Variants in TACC2 observed in about 807,000 individuals in gnomAD.
TACC2 encodes the protein transforming acidic coiled-coil containing protein 2, also known as transforming acidic coiled-coil-containing protein 2.
In TACC2, 137 loss-of-function variants were observed where a neutral mutation model predicts 227.3. That is an observed-to-expected ratio of 0.60 (90% CI 0.52 to 0.69). The LOEUF (loss-of-function observed/expected upper bound fraction) is 0.69. Ranked by LOEUF, TACC2 falls within the 30% of genes least tolerant of loss-of-function variation. The probability of loss-of-function intolerance (pLI) is 0.00; values close to 1 mark genes in which losing one functional copy is unlikely to be tolerated. For missense variants in TACC2, 3,470 were observed against 3,694.4 expected (o/e 0.94, Z 1.57); for synonymous variants, 1,523 against 1,487.5 (o/e 1.02, Z -0.55).
chr10:122,217,814 T>G (rs143326417), intron 11 of TACC2, among the ~76,000 whole-genome samples: 3 of 152,272 alleles, frequency 2.0e-5, no homozygotes, highest in African/African-American at 7.2e-5. Flanking sequence ...CCCTGACCTG[T>G]TGGTGCACCA....
At position 122,152,999 on chromosome 10, in the gene TACC2, C is replaced by CTT. The variant is rs150943859; in HGVS notation, c.5834+9302_5834+9303dup. Among the ~76,000 whole-genome samples, 3 of 135,036 alleles carry CTT rather than the reference C, an allele frequency of 2.2e-5. No homozygotes were observed. The South Asian group carries it at 7.1e-4, about 32-fold the overall frequency. 88.6% of individuals were successfully genotyped at this position (135,036 alleles called of 152,430 possible). A position where few individuals can be genotyped will look rare whatever the true frequency, so the allele number is the denominator to read the frequency against. On this transcript the variant is annotated intron_variant, in intron 7 of 22. Coordinates refer to ENST00000369005, the MANE Select transcript of TACC2 (RefSeq NM_206862.4). ...GCTTTTGATATATATTTCTTTCTTT[C>CTT]TTTTTTTTTTGAGACGGAGTCTCAC...
At chr10:121,997,539 G>A (rs1056271513) in intron 1 of TACC2, among the ~76,000 whole-genome samples, 2 of 152,184 alleles carry the variant, frequency 1.3e-5, no homozygotes, top group Non-Finnish European at 2.9e-5. Context: ...GATGTGGTGG[G>A]CCAGGACCAC....
intron 5 of TACC2, among the ~76,000 whole-genome samples, chr10:122,123,442 T>C (rs531201687): frequency 6.6e-6 from 1 of 152,262 alleles, no homozygotes; most frequent in South Asian, 2.1e-4. Context: ...AAGCACAATG[T>C]GCTTACCCCG....
chr10:122,243,659 T>G (rs2096054912), intron 19 of TACC2, among the ~76,000 whole-genome samples: 1 of 151,796 alleles, frequency 6.6e-6, no homozygotes, highest in Non-Finnish European at 1.5e-5. Context: ...GCAAAAATGG[T>G]CAGGCTAAGG....
At chr10:122,021,504 G>A (rs551666447) in intron 1 of TACC2, among the ~76,000 whole-genome samples, 1 of 152,272 alleles carries the variant, frequency 6.6e-6, no homozygotes, top group African/African-American at 2.4e-5. Flanking sequence ...GTCTGACACC[G>A]AGCTCTGCCG....
At chr10:122,203,028 G>C (rs1183400630) in intron 8 of TACC2, among the ~76,000 whole-genome samples, 1 of 151,966 alleles carries the variant, frequency 6.6e-6, no homozygotes, top group Non-Finnish European at 1.5e-5. Context: ...TCTTAGTACA[G>C]AACAAAATGA....
Position 122,150,631 on chromosome 10 carries a change from G to A in TACC2, c.5834+6925G>A, listed in dbSNP as rs568102142. The stretch of plus-strand genomic sequence containing the variant: ...GGAGAAATAGACCCCCAAACCAAGG[G>A]AGGCAGGGCCCAGGGAGGTGGGGTA... On this transcript the variant is annotated intron_variant, in intron 7 of 22. Transcript: ENST00000369005. This position sits in a 1 kb window ranked among gnomAD's most constrained non-coding sequence, Gnocchi z 4.0. Among the ~76,000 whole-genome samples the A allele has an allele frequency of 1.4e-4, 21 of 152,214 alleles. No homozygotes were observed. Among genetic ancestry groups the A allele is most frequent in the Non-Finnish European group, 2.6e-4 (18 of 68,032 alleles).
In TACC2 at chr10:122,181,027, A is replaced by AGCCGCCGGGC. The variant is rs559643932; in HGVS notation, c.5835-14010_5835-14009insGCCGGGCGCC. Reference sequence around the variant, plus strand: ...CCAAAGTGCTGGGATTACAGGCATGAGCCACCGCGCCCGGCCAAGAGGGAG... The same window carrying AGCCGCCGGGC: ...CCAAAGTGCTGGGATTACAGGCATGAGCCGCCGGGCGCCACCGCGCCCGGCCAAGAGGGAG... On this transcript the variant is annotated intron_variant, in intron 7 of 22. Coordinates refer to ENST00000369005, the MANE Select transcript of TACC2 (RefSeq NM_206862.4). Among the ~76,000 whole-genome samples the AGCCGCCGGGC allele has an allele frequency of 5.1e-3, 784 of 152,290 alleles. 8 individuals are homozygous for AGCCGCCGGGC. Among genetic ancestry groups the AGCCGCCGGGC allele is most frequent in the African/African-American group, 0.017 (723 of 41,548 alleles).
chr10:122,144,990 G>A (rs1168376128), intron 7 of TACC2, among the ~76,000 whole-genome samples: 1 of 152,222 alleles, frequency 6.6e-6, no homozygotes, highest in Non-Finnish European at 1.5e-5. Flanking sequence ...CACAAGCAGA[G>A]GTTGGGGAGC....
chr10:122,150,518 T>C lies in TACC2; in HGVS notation c.5834+6812T>C, dbSNP rs2091927937. 6.6e-6 allele frequency among the ~76,000 whole-genome samples: 1 copy of C among 152,106 alleles called. No homozygotes were observed. Among genetic ancestry groups the C allele is most frequent in the South Asian group, 2.1e-4 (1 of 4,826 alleles). On this transcript the variant is annotated intron_variant, in intron 7 of 22. Coordinates refer to ENST00000369005, the MANE Select transcript of TACC2 (RefSeq NM_206862.4). This position sits in a 1 kb window ranked among gnomAD's most constrained non-coding sequence, Gnocchi z 4.0. The stretch of plus-strand genomic sequence containing the variant: ...GAGGCTGCGTTCCTTCCAAGCCAAA[T>C]GCGTGCTCTCCAGCCCTCAGACCCA...
chr10:122,008,112 G>C (rs1955421791), intron 1 of TACC2, among the ~76,000 whole-genome samples: 1 of 151,992 alleles, frequency 6.6e-6, no homozygotes, highest in South Asian at 2.1e-4. Flanking sequence ...ATAGTATTCT[G>C]TTATAGGAAC....
intron 22 of TACC2, 69 bp downstream of exon 22, chr10:122,249,733 C>T: frequency 2.0e-6 from 3 of 1,533,778 alleles, no homozygotes; most frequent in Non-Finnish European, 2.6e-6. Context: ...GCCAGTCCAG[C>T]TAGACAGGCT....
intron 7 of TACC2, among the ~76,000 whole-genome samples, chr10:122,160,680 C>A (rs1183196676): frequency 1.3e-5 from 2 of 152,174 alleles, no homozygotes; most frequent in Non-Finnish European, 2.9e-5. Flanking sequence ...GGCTTCAACA[C>A]ATGAATTTGG....
intron 7 of TACC2, among the ~76,000 whole-genome samples, chr10:122,181,073 G>C (rs1389485243): frequency 1.3e-5 from 2 of 149,788 alleles, no homozygotes; most frequent in South Asian, 4.3e-4. Context: ...GCATCCTAGA[G>C]CCTAGAACAA....
At chr10:122,099,989 G>A (rs931363704) in intron 5 of TACC2, among the ~76,000 whole-genome samples, 1 of 152,196 alleles carries the variant, frequency 6.6e-6, no homozygotes, top group Non-Finnish European at 1.5e-5. Context: ...TTGGGGCTGG[G>A]CACAGTGGCT....
chr10:122,239,987 G>A (rs190888768), intron 18 of TACC2, among the ~76,000 whole-genome samples: 4 of 152,210 alleles, frequency 2.6e-5, no homozygotes, highest in African/African-American at 4.8e-5. Flanking sequence ...CAAAGGCTGC[G>A]GAGTGTGATG....
At chr10:122,088,873 C>A (rs11591297) in intron 5 of TACC2, 132,089 of 882,988 alleles carry the variant, frequency 0.15, 11,135 homozygotes, top group Non-Finnish European at 0.17. Context: ...GTAATCCCAA[C>A]ACTTTGGGAG....
chr10:122,136,517 A>ATG (rs981089681), intron 6 of TACC2, among the ~76,000 whole-genome samples: 19 of 137,318 alleles, frequency 1.4e-4, no homozygotes, highest in Non-Finnish European at 2.4e-4. Flanking sequence ...ATATATATAT[A>ATG]TGTGTGTATG....
intron 5 of TACC2, among the ~76,000 whole-genome samples, chr10:122,107,819 C>A (rs2083008493): frequency 6.7e-6 from 1 of 148,808 alleles, no homozygotes. Context: ...AGTCTATATC[C>A]CTCACCCCCC....
Sources: gnomAD v4.1 joint callset for allele counts (sites outside exome capture counted in the v4.1 genomes callset) on GRCh38, gnomAD v4.1.1 for gene constraint, Gnocchi (gnomAD v3.1) non-coding constraint, MANE v1.5 for transcripts, NCBI Gene and HGNC (gene_info 2026-07-23, HGNC 2026-07-21) for gene names.